The following NTRK2 variants were observed in gnomAD, a reference collection of about 807,000 sequenced individuals.
NTRK2 encodes the protein BDNF/NT-3 growth factors receptor.
Under a neutral mutation model 94.5 loss-of-function variants are expected in NTRK2, and 13 were observed. The ratio of observed to expected loss-of-function variants is 0.14; its 90% confidence interval spans 0.09 to 0.22. NTRK2 has a LOEUF of 0.22. Among genes scored for constraint, NTRK2 ranks in the 10% least tolerant of loss-of-function variants. NTRK2 has a pLI of 1.00. For synonymous variants in NTRK2, 372 were observed against 407.4 expected, an observed-to-expected ratio of 0.91 and a Z score of 1.05; for missense variants, 639 against 1,071.2, an observed-to-expected ratio of 0.60 and a Z score of 5.63.
chr9:84,676,026 TC>T (rs2059030940), intron 2 of NTRK2, among the ~76,000 whole-genome samples: 1 of 151,932 alleles, frequency 6.6e-6, no homozygotes, highest in African/African-American at 2.4e-5. Context: ...CTAAGTTTAT[TC>T]CTTATGTGTT....
At position 84,816,505 on chromosome 9, in the gene NTRK2, G is replaced by A. The variant is rs371759683; in HGVS notation, c.1397-44535G>A. ...TTATAAAAGCCCAGTGTTGGGCTGG[G>A]CGTGGCGGCTCACACCTATAATCCC... On this transcript the variant is annotated intron_variant, in intron 12 of 18. Transcript: ENST00000277120. Among the ~76,000 whole-genome samples the A allele has an allele frequency of 1.2e-4, 18 of 152,238 alleles. No homozygotes were observed. The South Asian group carries it at 2.3e-3, about 19-fold the overall frequency.
chr9:84,955,746 T>C (rs1256668058), intron 17 of NTRK2: 4 of 631,500 alleles, frequency 6.3e-6, no homozygotes, highest in East Asian at 2.8e-5. Context: ...CTTCTCACTA[T>C]GCCCTCACAT....
chr9:84,931,355 C>A (rs928231627), intron 14 of NTRK2, among the ~76,000 whole-genome samples: 5 of 150,528 alleles, frequency 3.3e-5, no homozygotes, highest in Non-Finnish European at 5.9e-5. Flanking sequence ...TGCAGTGAGC[C>A]GAGATTGTTC....
chr9:84,875,532 G>A, intron 14 of NTRK2: 1 of 1,063,350 alleles, frequency 9.4e-7, no homozygotes, highest in Non-Finnish European at 1.1e-6. Flanking sequence ...TTGCCTCCAA[G>A]TTCTTCACCC....
chr9:84,743,515 TATG>T (rs1381404131), intron 10 of NTRK2, among the ~76,000 whole-genome samples: 1 of 152,234 alleles, frequency 6.6e-6, no homozygotes, highest in African/African-American at 2.4e-5. Context: ...ATTTTTTGCA[TATG>T]ATTTGTGTGT....
intron 14 of NTRK2, among the ~76,000 whole-genome samples, chr9:84,891,999 G>T (rs2076609699): frequency 6.6e-6 from 1 of 151,986 alleles, no homozygotes; most frequent in Non-Finnish European, 1.5e-5. Flanking sequence ...TGCAGAGTAT[G>T]GTTTTAGTAA....
rs553865971 is a variant in NTRK2 at position 84,882,729 on chromosome 9, C to T, written c.1633+15298C>T. 1.8e-4 allele frequency among the ~76,000 whole-genome samples: 27 copies of T among 150,204 alleles called. No individual in the cohort carries two copies. The South Asian group carries it at 3.5e-3, about 20-fold the overall frequency. On this transcript the variant is annotated intron_variant, in intron 14 of 18. Coordinates refer to ENST00000277120, the MANE Select transcript of NTRK2 (RefSeq NM_006180.6). ...GTGTGTGTGTGTGTGTGCGCGCGCG[C>T]GCGCATGTGTGCATTATAATAACTA...
chr9:84,960,303 G>A (rs75583888), intron 17 of NTRK2, among the ~76,000 whole-genome samples: 1 of 152,098 alleles, frequency 6.6e-6, no homozygotes, highest in African/African-American at 2.4e-5. Context: ...ATGAATTTTA[G>A]CACCTTTCAC....
Position 84,793,632 on chromosome 9 carries a change from G to T in NTRK2, c.1396+41547G>T, listed in dbSNP as rs570344371. Among the ~76,000 whole-genome samples, 7 of 152,292 alleles carry T rather than the reference G, an allele frequency of 4.6e-5. No homozygotes were observed. The South Asian group carries it at 1.5e-3, about 32-fold the overall frequency. ...TTTAAATGGTTGTTTTCCTGGATTT[G>T]ATTTGATGTGCAGCATACATGTAGA... On this transcript the variant is annotated intron_variant, in intron 12 of 18. Transcript: ENST00000277120.
At chr9:84,932,033 C>T (rs1167835219) in intron 14 of NTRK2, among the ~76,000 whole-genome samples, 1 of 152,104 alleles carries the variant, frequency 6.6e-6, no homozygotes, top group Non-Finnish European at 1.5e-5. Flanking sequence ...ACCCTGAGTT[C>T]CCAGAGGCTC....
intron 6 of NTRK2, among the ~76,000 whole-genome samples, chr9:84,721,236 C>T (rs992605620): frequency 6.6e-6 from 1 of 151,222 alleles, no homozygotes; most frequent in Non-Finnish European, 1.5e-5. Flanking sequence ...AGTGCAATGG[C>T]GCGAGCTTGG....
intron 17 of NTRK2, among the ~76,000 whole-genome samples, chr9:84,978,508 G>A (rs1827182730): frequency 6.6e-6 from 1 of 152,202 alleles, no homozygotes; most frequent in Admixed American, 6.5e-5. Context: ...AGCAGTGATT[G>A]GTTTCTAAGG....
intron 10 of NTRK2, among the ~76,000 whole-genome samples, chr9:84,743,770 A>G (rs2063837636): frequency 6.6e-6 from 1 of 152,250 alleles, no homozygotes; most frequent in Non-Finnish European, 1.5e-5. Flanking sequence ...TTGCAGACGT[A>G]GTTGGCTATA....
chr9:84,757,114 C>G (rs1347378170), intron 12 of NTRK2, among the ~76,000 whole-genome samples: 1 of 152,124 alleles, frequency 6.6e-6, no homozygotes, highest in South Asian at 2.1e-4. Flanking sequence ...GTAGAAACAT[C>G]TGTAAGGACA....
At chr9:84,932,739 G>A (rs1335979418) in intron 14 of NTRK2, among the ~76,000 whole-genome samples, 2 of 152,194 alleles carry the variant, frequency 1.3e-5, no homozygotes, top group South Asian at 2.1e-4. Context: ...ATGACAGAAT[G>A]TGAGTTCACA....
At chr9:84,930,771 T>C (rs1020624896) in intron 14 of NTRK2, among the ~76,000 whole-genome samples, 3 of 152,110 alleles carry the variant, frequency 2.0e-5, no homozygotes, top group South Asian at 2.1e-4. Flanking sequence ...CCTGTGGTGT[T>C]GTAGGGAAAT....
Position 84,669,869 on chromosome 9 carries a change from CGTGAGG to C in NTRK2, c.-391_-386del, listed in dbSNP as rs2058586970. ...CCTGGACCCAGGCGCCGCCGGCGGG[CGTGAGG>C]CGCCGGAGCCCGGGTGAGCAGCGCA... On this transcript the variant is annotated 5_prime_UTR_variant, in exon 1 of 19. Transcript: ENST00000277120. This position sits in a 1 kb window ranked among gnomAD's most constrained non-coding sequence, Gnocchi z 4.1. 1 of 152,364 alleles carries C rather than the reference CGTGAGG, an allele frequency of 6.6e-6. No homozygotes were observed. Among genetic ancestry groups the C allele is most frequent in the African/African-American group, 2.4e-5 (1 of 41,436 alleles). The allele number at this position is 152,364 out of a possible 1,614,324, so 9.4% of individuals were successfully genotyped here. A position where few individuals can be genotyped will look rare whatever the true frequency, so the allele number is the denominator to read the frequency against.
At chr9:84,899,907 CCTTGGT>C (rs2076876388) in intron 14 of NTRK2, among the ~76,000 whole-genome samples, 1 of 152,116 alleles carries the variant, frequency 6.6e-6, no homozygotes, top group Non-Finnish European at 1.5e-5. Context: ...ATTCTTTGTC[CCTTGGT>C]CTGTGGAAAG....
At chr9:84,962,810 GGAA>G in intron 17 of NTRK2, among the ~76,000 whole-genome samples, 1 of 152,300 alleles carries the variant, frequency 6.6e-6, no homozygotes. Flanking sequence ...GGGTACAGAG[GGAA>G]GAGCATCCAA....
Sources: allele counts gnomAD v4.1 joint callset (sites outside exome capture counted in the v4.1 genomes callset), GRCh38; gene constraint gnomAD v4.1.1; non-coding constraint Gnocchi (gnomAD v3.1); transcripts MANE v1.5; gene names NCBI Gene and HGNC (gene_info 2026-07-23, HGNC 2026-07-21).